SEPTIN14: variants seen among roughly 807,000 people sequenced by gnomAD.
SEPTIN14 encodes the protein septin-14.
A neutral mutation model predicts 53.6 loss-of-function variants in SEPTIN14; 40 were observed. The ratio of observed to expected loss-of-function variants is 0.75; its 90% CI spans 0.58 to 0.97. The LOEUF is 0.97. Among genes scored for constraint, SEPTIN14 ranks in the 50% least tolerant of loss-of-function variants. SEPTIN14 has a pLI of 0.00. For missense variants in SEPTIN14, 471 were observed against 508.2 expected, an observed-to-expected ratio of 0.93 and a Z score of 0.70; for synonymous variants, 138 against 166.8, an observed-to-expected ratio of 0.83 and a Z score of 1.33.
At position 55,834,502 on chromosome 7, in the gene SEPTIN14, A is replaced by G. The variant is rs759680180; in HGVS notation, c.643T>C (p.Leu215=). 3 of 1,612,610 alleles carry G rather than the reference A, an allele frequency of 1.9e-6. No homozygotes were observed. The highest frequency in any genetic ancestry group is 2.2e-5 in the East Asian group (1 of 44,852). The change falls in exon 6 of 10, where the codon TTG becomes CTG. Residue 215 remains leucine (L), a synonymous_variant. Transcript: ENST00000388975. ...TATATCTGGATGCCATTGCTAATCA[A>G]TTCACTCATTATCTTATTCTTAAAC... The part of the protein sequence containing the change: ...QTFKNKIMSE[L]ISNGIQIYQL...
At chr7:55,848,194 G>A (rs1789447599) in intron 2 of SEPTIN14, among the ~76,000 whole-genome samples, 2 of 151,960 alleles carry the variant, frequency 1.3e-5, no homozygotes, top group African/African-American at 4.8e-5. Flanking sequence ...CATGCTAATC[G>A]GCCTGGGAGG....
At chr7:55,803,604 T>TCTA (rs1046234502) in intron 9 of SEPTIN14, among the ~76,000 whole-genome samples, 13 of 152,154 alleles carry the variant, frequency 8.5e-5, no homozygotes, top group Non-Finnish European at 1.5e-4. Context: ...CAAAGAGATA[T>TCTA]CTACACTTTC....
intron 9 of SEPTIN14, among the ~76,000 whole-genome samples, chr7:55,801,998 C>CTT (rs769073126): frequency 1.1e-4 from 16 of 139,548 alleles, no homozygotes; most frequent in Admixed American, 2.9e-4. Flanking sequence ...AGTATGGTTT[C>CTT]TTTTTTTTTT....
At chr7:55,861,856 A>G (rs774355208) in intron 2 of SEPTIN14, 87 bp downstream of exon 2, 105 of 786,534 alleles carry the variant, frequency 1.3e-4, no homozygotes, top group Non-Finnish European at 1.8e-4. Flanking sequence ...TTCTATGCCT[A>G]CATCAGTTTT....
chr7:55,857,129 T>G (rs1789645074), intron 2 of SEPTIN14, among the ~76,000 whole-genome samples: 1 of 151,634 alleles, frequency 6.6e-6, no homozygotes, highest in Non-Finnish European at 1.5e-5. Flanking sequence ...TCCCAGCACT[T>G]TGAGAGGCTG....
intron 7 of SEPTIN14, among the ~76,000 whole-genome samples, chr7:55,812,241 C>T (rs1788715848): frequency 6.6e-6 from 1 of 152,130 alleles, no homozygotes; most frequent in Non-Finnish European, 1.5e-5. Context: ...CAATAAAATA[C>T]TATAGAGCTT....
intron 5 of SEPTIN14, among the ~76,000 whole-genome samples, chr7:55,836,949 CT>C (rs1436582063): frequency 6.6e-6 from 1 of 151,994 alleles, no homozygotes; most frequent in Non-Finnish European, 1.5e-5. Context: ...CAACTTAGAA[CT>C]TTTTCTCTCT....
At chr7:55,854,409 G>C (rs950446157) in intron 2 of SEPTIN14, among the ~76,000 whole-genome samples, 2 of 151,882 alleles carry the variant, frequency 1.3e-5, no homozygotes, top group African/African-American at 4.8e-5. Flanking sequence ...GTCAGCTGTT[G>C]CCATTTTATA....
Position 55,795,795 on chromosome 7 carries a change from T to C in SEPTIN14, c.*118A>G, listed in dbSNP as rs143351181. On this transcript the variant is annotated 3_prime_UTR_variant, in exon 10 of 10. Transcript: ENST00000388975. ...GAGTTCACACTTTAGTTGGGGAAAA[T>C]ATACAATAAGCAAGCCAATTTTTAA... is the stretch of plus-strand genomic sequence containing the variant. The C allele has an allele frequency of 7.0e-3, 5,528 of 792,694 alleles. 35 individuals are homozygous for C. Among genetic ancestry groups the C allele is most frequent in the Non-Finnish European group, 9.5e-3 (4,625 of 485,160 alleles). The allele number at this position is 792,694 out of a possible 1,614,324, so 49.1% of individuals were successfully genotyped here.
intron 7 of SEPTIN14, chr7:55,811,135 C>A (rs1788698635): frequency 2.1e-6 from 1 of 483,246 alleles, no homozygotes; most frequent in Admixed American, 2.4e-5. Flanking sequence ...ATATCCAGGT[C>A]AGCTGTTGCT....
At chr7:55,858,471 A>G (rs941500580) in intron 2 of SEPTIN14, among the ~76,000 whole-genome samples, 3 of 152,070 alleles carry the variant, frequency 2.0e-5, no homozygotes, top group African/African-American at 7.2e-5. Context: ...TGGCAAACCA[A>G]CCCCACCCTC....
intron 6 of SEPTIN14, among the ~76,000 whole-genome samples, chr7:55,832,202 AACACACACACACACACAC>A (rs112349116): frequency 4.8e-5 from 7 of 145,108 alleles, no homozygotes; most frequent in Admixed American, 2.1e-4. Context: ...CTCTGTCTCA[AACACACACACACACACAC>A]ACACACACAC....
chr7:55,817,622 A>G (rs983982031), intron 7 of SEPTIN14, among the ~76,000 whole-genome samples: 6 of 151,860 alleles, frequency 4.0e-5, no homozygotes, highest in African/African-American at 1.5e-4. Flanking sequence ...GGTGCCCGCC[A>G]CCATGCCTGG....
rs143511764 is a variant in SEPTIN14 at position 55,844,030 on chromosome 7, A to G, written c.371+493T>C. On this transcript the variant is annotated intron_variant, in intron 4 of 9. Transcript: ENST00000388975. ...ATGTGCCTGTAGTCTCAGTTACTCAAGAGGCTGAGGTGGAAGGATTCACTT... is the reference window on the plus strand; with the variant it reads ...ATGTGCCTGTAGTCTCAGTTACTCAGGAGGCTGAGGTGGAAGGATTCACTT... Among the ~76,000 whole-genome samples the G allele has an allele frequency of 2.9e-3, 434 of 152,244 alleles. 5 individuals carry two copies. The highest frequency in any genetic ancestry group is 0.01 in the African/African-American group (418 of 41,558).
At chr7:55,820,697 TG>T (rs1238386098) in intron 6 of SEPTIN14, among the ~76,000 whole-genome samples, 9 of 152,256 alleles carry the variant, frequency 5.9e-5, no homozygotes, top group African/African-American at 1.7e-4. Flanking sequence ...CCTAGCACTT[TG>T]GGAGGCCGAG....
intron 9 of SEPTIN14, among the ~76,000 whole-genome samples, chr7:55,803,929 C>G (rs1476719419): frequency 6.0e-5 from 9 of 150,222 alleles, no homozygotes; most frequent in Non-Finnish European, 1.0e-4. Context: ...TCGAGATCAT[C>G]CTGGCTAACA....
intron 2 of SEPTIN14, among the ~76,000 whole-genome samples, chr7:55,849,774 A>C (rs1380401746): frequency 6.6e-6 from 1 of 152,080 alleles, no homozygotes; most frequent in Non-Finnish European, 1.5e-5. Flanking sequence ...CAAACAAAAA[A>C]CACCCAAAAC....
At chr7:55,830,349 A>ATATATTTTTTT (rs71015108) in intron 6 of SEPTIN14, among the ~76,000 whole-genome samples, 35 of 56,838 alleles carry the variant, frequency 6.2e-4, no homozygotes, top group East Asian at 1.2e-3. Flanking sequence ...ATATATATAT[A>ATATATTTTTTT]TTTTTTTTTT....
intron 7 of SEPTIN14, 24 bp from the exon 8 acceptor site, chr7:55,807,282 C>T: frequency 6.8e-7 from 1 of 1,471,710 alleles, no homozygotes; most frequent in Non-Finnish European, 9.3e-7. Flanking sequence ...AATAATGAAT[C>T]AACAACATTC....
Sources: gnomAD v4.1 joint callset for allele counts (sites outside exome capture counted in the v4.1 genomes callset) on GRCh38, gnomAD v4.1.1 for gene constraint, MANE v1.5 for transcripts, NCBI Gene and HGNC (gene_info 2026-07-23, HGNC 2026-07-21) for gene names.